Variants in PNLIP observed in about 807,000 individuals in gnomAD.
PNLIP encodes the protein pancreatic triacylglycerol lipase.
PNLIP carries 49 observed loss-of-function variants against 57.1 expected under a neutral mutation model. The observed-to-expected ratio is 0.86, with a 90% CI of 0.68 to 1.09. The LOEUF (loss-of-function observed/expected upper bound fraction) is 1.09. Among genes scored for constraint, PNLIP ranks in the 50% least tolerant of loss-of-function variants. PNLIP has a pLI of 0.00. For missense variants in PNLIP, 503 were observed against 570.2 expected (o/e 0.88, Z 1.20); for synonymous variants, 209 against 200.4 (o/e 1.04, Z -0.36).
At chr10:116,550,310 G>C (rs1298869156) in intron 4 of PNLIP, among the ~76,000 whole-genome samples, 1 of 150,810 alleles carries the variant, frequency 6.6e-6, no homozygotes, top group Non-Finnish European at 1.5e-5. Context: ...CACCTGCCTC[G>C]GCCTCCCAAA....
intron 3 of PNLIP, 80 bp downstream of exon 3, chr10:116,547,528 C>G: frequency 8.7e-7 from 1 of 1,147,352 alleles, no homozygotes; most frequent in South Asian, 1.5e-5. Flanking sequence ...AGATCGAGAC[C>G]ATGCTGGCTA....
At chr10:116,550,631 T>C (rs1847181111) in intron 4 of PNLIP, among the ~76,000 whole-genome samples, 1 of 152,210 alleles carries the variant, frequency 6.6e-6, no homozygotes, top group Non-Finnish European at 1.5e-5. Flanking sequence ...GGTCCTAACA[T>C]TGTCTTTCAT....
chr10:116,558,076 C>T (rs1168671297), intron 9 of PNLIP, among the ~76,000 whole-genome samples: 3 of 149,430 alleles, frequency 2.0e-5, no homozygotes, highest in Non-Finnish European at 4.4e-5. Context: ...CATTTTTAAA[C>T]CTTTAAAAAA....
intron 12 of PNLIP, among the ~76,000 whole-genome samples, chr10:116,562,354 C>T (rs947386888): frequency 1.3e-5 from 2 of 152,156 alleles, no homozygotes; most frequent in African/African-American, 4.8e-5. Flanking sequence ...AAACAAAGTA[C>T]ATGAAAACAC....
intron 8 of PNLIP, 59 bp from the exon 9 acceptor site, chr10:116,555,941 T>A (rs762699004): frequency 5.9e-6 from 6 of 1,017,988 alleles, no homozygotes; most frequent in Non-Finnish European, 9.3e-6. Context: ...ATTCTGAATA[T>A]GACGTTAACT....
intron 12 of PNLIP, among the ~76,000 whole-genome samples, chr10:116,562,227 T>C (rs1198824929): frequency 6.6e-6 from 1 of 152,198 alleles, no homozygotes. Context: ...GCAAGCACTG[T>C]GCTTCTGTCA....
chr10:116,558,214 T>C (rs1394830090), intron 9 of PNLIP, among the ~76,000 whole-genome samples: 1 of 150,876 alleles, frequency 6.6e-6, no homozygotes, highest in Admixed American at 6.6e-5. Flanking sequence ...TTTTTTTTTT[T>C]TGAGACGGAG....
At chr10:116,565,666 G>T (rs1847358928) in intron 12 of PNLIP, among the ~76,000 whole-genome samples, 1 of 151,976 alleles carries the variant, frequency 6.6e-6, no homozygotes, top group Non-Finnish European at 1.5e-5. Context: ...CACCATGTTG[G>T]TCAGGCTAGT....
intron 9 of PNLIP, 97 bp downstream of exon 9, chr10:116,556,215 A>G (rs978570326): frequency 1.4e-6 from 1 of 724,520 alleles, no homozygotes; most frequent in African/African-American, 1.8e-5. Flanking sequence ...ATGAATGTTT[A>G]TACTTTTGAA....
chr10:116,554,549 A>T (rs1348065564), intron 6 of PNLIP, among the ~76,000 whole-genome samples: 1 of 152,180 alleles, frequency 6.6e-6, no homozygotes, highest in Non-Finnish European at 1.5e-5. Flanking sequence ...AGGTTATAAG[A>T]AAGATGCTAC....
intron 11 of PNLIP, 26 bp downstream of exon 11, chr10:116,560,550 CTT>C (rs753235094): frequency 0.068 from 33,296 of 489,796 alleles, no homozygotes; most frequent in East Asian, 0.079. Flanking sequence ...TTGCTCTATG[CTT>C]TTTTTTTTTT....
chr10:116,563,582 A>C (rs573461333), intron 12 of PNLIP, among the ~76,000 whole-genome samples: 26 of 152,184 alleles, frequency 1.7e-4, no homozygotes, highest in African/African-American at 6.0e-4. Flanking sequence ...CCTTTGTATC[A>C]TTCTTATGCC....
Position 116,553,574 on chromosome 10 carries a change from T to A in PNLIP, c.460-153T>A, listed in dbSNP as rs538717719. Among the ~76,000 whole-genome samples the A allele has an allele frequency of 2.0e-5, 3 of 152,350 alleles. No individual in the cohort carries two copies. In the East Asian group the frequency reaches 5.8e-4, roughly 29 times the overall value. On this transcript the variant is annotated intron_variant, in intron 5 of 12. Transcript: ENST00000369221. ...TGTACCACACAGCCCAGGTAGGTAGTAGGCTATGCCATCTAGGTTTATGTA... is the reference window on the plus strand; with the variant it reads ...TGTACCACACAGCCCAGGTAGGTAGAAGGCTATGCCATCTAGGTTTATGTA...
chr10:116,555,846 C>T (rs1847247433), intron 8 of PNLIP, among the ~76,000 whole-genome samples, 154 bp from the exon 9 acceptor site: 1 of 152,182 alleles, frequency 6.6e-6, no homozygotes. Context: ...GATTACATCA[C>T]AAATCATAAA....
chr10:116,559,091 G>C, intron 9 of PNLIP, 63 bp from the exon 10 acceptor site: 1 of 1,559,768 alleles, frequency 6.4e-7, no homozygotes, highest in Non-Finnish European at 8.7e-7. Flanking sequence ...ACAACATGTA[G>C]GAAATATGGT....
At chr10:116,548,620 C>T in intron 4 of PNLIP, 138 bp downstream of exon 4, 1 of 943,090 alleles carries the variant, frequency 1.1e-6, no homozygotes, top group Non-Finnish European at 1.6e-6. Flanking sequence ...CCTGGAGTTC[C>T]TAGGGGAGGT....
chr10:116,560,716 T>A (rs543415783), intron 11 of PNLIP, among the ~76,000 whole-genome samples, 192 bp downstream of exon 11: 48 of 152,032 alleles, frequency 3.2e-4, no homozygotes, highest in South Asian at 1.9e-3. Context: ...TAGCTGGGAT[T>A]ACAGGCGCCC....
chr10:116,560,276 TACACACACACACACAC>T (rs71301597), intron 10 of PNLIP, 124 bp from the exon 11 acceptor site: 7 of 425,122 alleles, frequency 1.6e-5, no homozygotes, highest in South Asian at 4.7e-5. Context: ...ATTAGAAAAT[TACACACACACACACAC>T]ACACACACAC....
At chr10:116,565,408 A>G (rs1847356127) in intron 12 of PNLIP, among the ~76,000 whole-genome samples, 1 of 151,454 alleles carries the variant, frequency 6.6e-6, no homozygotes, top group African/African-American at 2.4e-5. Context: ...AACTTACCCC[A>G]CTGTATTTTT....
Sources: gnomAD v4.1 joint callset for allele counts (sites outside exome capture counted in the v4.1 genomes callset) on GRCh38, gnomAD v4.1.1 for gene constraint, MANE v1.5 for transcripts, NCBI Gene and HGNC (gene_info 2026-07-23, HGNC 2026-07-21) for gene names.